PTPRT: variants seen among roughly 807,000 people sequenced by gnomAD.
The protein encoded by PTPRT is receptor-type tyrosine-protein phosphatase T.
Under a neutral mutation model 176.8 loss-of-function variants are expected in PTPRT, and 56 were observed. That is an observed-to-expected ratio of 0.32 (90% CI 0.26 to 0.40). The LOEUF is 0.40. PTPRT is among the 10% of genes least tolerant of loss of function. PTPRT has a pLI of 1.00. For missense variants in PTPRT, 1,540 were observed against 1,908.2 expected (o/e 0.81, Z 3.60); for synonymous variants, 783 against 739.0 (o/e 1.06, Z -0.96).
intron 7 of PTPRT, among the ~76,000 whole-genome samples, chr20:42,511,174 G>A (rs1244973812): frequency 6.6e-6 from 1 of 152,134 alleles, no homozygotes; most frequent in Non-Finnish European, 1.5e-5. Context: ...CTCACCAGAT[G>A]TACCCTCTGA....
intron 6 of PTPRT, among the ~76,000 whole-genome samples, chr20:42,691,223 A>G (rs2075788458): frequency 6.6e-6 from 1 of 152,252 alleles, no homozygotes; most frequent in Non-Finnish European, 1.5e-5. Context: ...TAGCAGAACA[A>G]ATATGACAAG....
rs1982739021 is a variant in PTPRT, at chr20:42,076,072, T to A, written c.*4807A>T. The A allele has an allele frequency of 4.6e-6, 1 of 217,500 alleles. No homozygotes were observed. Among genetic ancestry groups the A allele is most frequent in the Admixed American group, 5.8e-5 (1 of 17,164 alleles). 13.5% of individuals were successfully genotyped at this position (217,500 alleles called of 1,614,324 possible). On this transcript the variant is annotated 3_prime_UTR_variant, in exon 31 of 31. Transcript: ENST00000373187. ...TTCTAATGTTGATGAGGGTCCTTTT[T>A]TCATGTATGTTTTTCATGTATGTAT...
intron 7 of PTPRT, among the ~76,000 whole-genome samples, chr20:42,629,388 G>T (rs539671337): frequency 6.6e-6 from 1 of 152,110 alleles, no homozygotes; most frequent in Non-Finnish European, 1.5e-5. Flanking sequence ...CAGAGATACC[G>T]CAAAGTATCT....
the PTPRT span, among the ~76,000 whole-genome samples, chr20:42,048,263 G>T: frequency 0.058 from 8,833 of 152,286 alleles, 334 homozygotes; most frequent in Middle Eastern, 0.21. Context: ...CCAGATGCAG[G>T]CTCAGAAGCT....
At chr20:42,402,138 G>A (rs2058914567) in intron 9 of PTPRT, among the ~76,000 whole-genome samples, 1 of 152,298 alleles carries the variant, frequency 6.6e-6, no homozygotes, top group African/African-American at 2.4e-5. Context: ...TGCAGAGAGA[G>A]CACAGAGGTG....
intron 7 of PTPRT, among the ~76,000 whole-genome samples, chr20:42,493,593 C>T (rs1272144608): frequency 6.6e-6 from 1 of 152,008 alleles, no homozygotes; most frequent in Admixed American, 6.6e-5. Flanking sequence ...GTGAGGTCAC[C>T]AGGGCCTAAG....
At chr20:42,393,535 C>T (rs1432046647) in intron 9 of PTPRT, among the ~76,000 whole-genome samples, 1 of 152,160 alleles carries the variant, frequency 6.6e-6, no homozygotes, top group African/African-American at 2.4e-5. Context: ...TCCAACTTTC[C>T]CTCCCATTTC....
Position 42,102,311 on chromosome 20 carries a change from A to C in PTPRT, c.3541-14T>G, listed in dbSNP as rs751871462. The C allele has an allele frequency of 6.2e-7, 1 of 1,610,978 alleles. No homozygotes were observed. Among genetic ancestry groups the C allele is most frequent in the South Asian group, 1.1e-5 (1 of 90,970 alleles). On this transcript the variant is annotated splice_polypyrimidine_tract_variant and intron_variant, in intron 25 of 30. Transcript: ENST00000373187. ...AATGTTGAGGGTCTGTGGGGCACAA[A>C]GGTGAATAGATAGGCCCTGCTCATT...
chr20:42,821,318 T>G (rs746774128), intron 2 of PTPRT, among the ~76,000 whole-genome samples: 18 of 152,188 alleles, frequency 1.2e-4, no homozygotes, highest in Non-Finnish European at 2.2e-4. Context: ...AACCACATGA[T>G]TATCTCAATA....
chr20:42,528,130 T>C (rs2072311204), intron 7 of PTPRT, among the ~76,000 whole-genome samples: 1 of 152,198 alleles, frequency 6.6e-6, no homozygotes, highest in South Asian at 2.1e-4. Context: ...CTGGAACATG[T>C]TATGCTTCTT....
intron 1 of PTPRT, among the ~76,000 whole-genome samples, chr20:43,134,289 G>A (rs2146386372): frequency 6.6e-6 from 1 of 152,356 alleles, no homozygotes; most frequent in Non-Finnish European, 1.5e-5. Context: ...TCAGGCTTCT[G>A]AACCTTTTCC....
At chr20:42,804,350 C>T (rs530325895) in intron 2 of PTPRT, among the ~76,000 whole-genome samples, 1 of 152,268 alleles carries the variant, frequency 6.6e-6, no homozygotes, top group South Asian at 2.1e-4. Context: ...ACAATGCAGA[C>T]CCCAACCATC....
chr20:43,081,957 AC>A (rs2011454182), intron 1 of PTPRT, among the ~76,000 whole-genome samples: 1 of 152,082 alleles, frequency 6.6e-6, no homozygotes, highest in South Asian at 2.1e-4. Context: ...TTTTGTCATC[AC>A]TATTATATCT....
At chr20:42,764,496 T>G (rs2076956532) in intron 5 of PTPRT, among the ~76,000 whole-genome samples, 1 of 152,144 alleles carries the variant, frequency 6.6e-6, no homozygotes, top group Non-Finnish European at 1.5e-5. Context: ...AAGAAATCTG[T>G]TTTTAAATAG....
intron 1 of PTPRT, among the ~76,000 whole-genome samples, chr20:43,155,514 G>A (rs984805055): frequency 4.6e-5 from 7 of 152,184 alleles, no homozygotes; most frequent in Admixed American, 2.6e-4. Context: ...ATGATGGTAC[G>A]ATTGGCTGGG....
intron 7 of PTPRT, among the ~76,000 whole-genome samples, chr20:42,521,903 T>C (rs938771701): frequency 2.6e-5 from 4 of 152,102 alleles, no homozygotes; most frequent in Non-Finnish European, 4.4e-5. Context: ...GAAAGAATTA[T>C]TTTCTTTTGA....
rs565333512 is a variant in PTPRT, at chr20:42,649,054, T to C, written c.1153+28812A>G. Reference sequence around the variant, plus strand: ...CAGGATGGTCTCAATCTCATGACCTTGTGATCCGCCCACCTCGGCCTCCCA... The same window carrying C: ...CAGGATGGTCTCAATCTCATGACCTCGTGATCCGCCCACCTCGGCCTCCCA... On this transcript the variant is annotated intron_variant, in intron 7 of 30. Coordinates refer to ENST00000373187, the MANE Select transcript of PTPRT (RefSeq NM_007050.6). Among the ~76,000 whole-genome samples, 1,432 of 151,990 alleles carry C rather than the reference T, an allele frequency of 9.4e-3. 11 individuals are homozygous for C. Among genetic ancestry groups the C allele is most frequent in the Middle Eastern group, 0.017 (5 of 294 alleles).
At chr20:43,116,860 T>C (rs2013080559) in intron 1 of PTPRT, among the ~76,000 whole-genome samples, 1 of 152,168 alleles carries the variant, frequency 6.6e-6, no homozygotes, top group East Asian at 1.9e-4. Flanking sequence ...AGCATGGCTG[T>C]ATTAGATAGC....
At chr20:42,050,514 G>A in the PTPRT span, among the ~76,000 whole-genome samples, 1 of 152,174 alleles carries the variant, frequency 6.6e-6, no homozygotes, top group African/African-American at 2.4e-5. Context: ...GCCCCTGCAT[G>A]CTGTGTGTCG....
Sources: gnomAD v4.1 joint callset for allele counts (sites outside exome capture counted in the v4.1 genomes callset) on GRCh38, gnomAD v4.1.1 for gene constraint, MANE v1.5 for transcripts, NCBI Gene and HGNC (gene_info 2026-07-23, HGNC 2026-07-21) for gene names.